Variants in DMAC2L observed in about 807,000 individuals in gnomAD.
The protein encoded by DMAC2L is ATP synthase subunit s, mitochondrial.
Under a neutral mutation model 22.5 loss-of-function variants are expected in DMAC2L, and 21 were observed. The observed-to-expected ratio is 0.93, with a 90% confidence interval of 0.66 to 1.34. The LOEUF is 1.34. Ranked by LOEUF, DMAC2L falls within the 40% of genes most tolerant of loss-of-function variation. DMAC2L has a pLI of 0.00. For missense variants in DMAC2L, 239 were observed against 246.5 expected, an observed-to-expected ratio of 0.97 and a Z score of 0.20; for synonymous variants, 86 against 89.5, an observed-to-expected ratio of 0.96 and a Z score of 0.22.
At chr14:50,318,683 A>T (rs569629571) in intron 2 of DMAC2L, among the ~76,000 whole-genome samples, 185 of 150,874 alleles carry the variant, frequency 1.2e-3, no homozygotes, top group African/African-American at 3.9e-3. Flanking sequence ...TCTAACTGGA[A>T]TTTTTTTTTT....
intron 2 of DMAC2L, among the ~76,000 whole-genome samples, chr14:50,317,174 T>G (rs1013654092): frequency 2.0e-5 from 3 of 152,182 alleles, no homozygotes; most frequent in Non-Finnish European, 4.4e-5. Context: ...TTCCTAAGTT[T>G]TTTTTGTGTG....
Position 50,325,798 on chromosome 14 carries a change from C to G in DMAC2L, c.*75C>G. ...CAAACATCAACTAATATTATATAGT[C>G]ATCAGTAGAATTATAAGGATGCCAT... is the stretch of plus-strand genomic sequence containing the variant. On this transcript the variant is annotated 3_prime_UTR_variant, in exon 6 of 6. Coordinates refer to ENST00000557421, the MANE Select transcript of DMAC2L (RefSeq NM_001382507.1). 5 of 1,514,526 alleles carry G rather than the reference C, an allele frequency of 3.3e-6. No individual in the cohort carries two copies. Among genetic ancestry groups the G allele is most frequent in the Non-Finnish European group, 4.4e-6 (5 of 1,135,324 alleles). 93.8% of individuals were successfully genotyped at this position (1,514,526 alleles called of 1,614,324 possible).
intron 1 of DMAC2L, chr14:50,313,050 C>T (rs1566550397): frequency 2.5e-6 from 4 of 1,613,294 alleles, no homozygotes; most frequent in Non-Finnish European, 3.4e-6. Flanking sequence ...AGCAGCGACT[C>T]ACCTGTGCAG....
intron 2 of DMAC2L, among the ~76,000 whole-genome samples, chr14:50,319,895 T>C (rs914358567): frequency 6.6e-6 from 1 of 152,192 alleles, no homozygotes; most frequent in African/African-American, 2.4e-5. Context: ...TGCCCCTACA[T>C]CTCACTTAAC....
chr14:50,320,126 C>G, intron 2 of DMAC2L, among the ~76,000 whole-genome samples: 1 of 152,124 alleles, frequency 6.6e-6, no homozygotes, highest in South Asian at 2.1e-4. Flanking sequence ...GAGTCTCACT[C>G]TGTTGTCCAC....
At chr14:50,321,883 ATAATTT>A (rs1333441090) in intron 3 of DMAC2L, among the ~76,000 whole-genome samples, 3 of 152,250 alleles carry the variant, frequency 2.0e-5, no homozygotes, top group Non-Finnish European at 4.4e-5. Context: ...CTTATTAAAT[ATAATTT>A]TAAAGTATTT....
At position 50,326,723 on chromosome 14, in the gene DMAC2L, A is replaced by G; in HGVS notation, c.*1000A>G. Reference sequence around the variant, plus strand: ...AGGAAACAGTAAAAACTAGTGGGCTATGCTTAGGTTTTTCTTGAAACCTAA... The same window carrying G: ...AGGAAACAGTAAAAACTAGTGGGCTGTGCTTAGGTTTTTCTTGAAACCTAA... On this transcript the variant is annotated 3_prime_UTR_variant, in exon 6 of 6. Coordinates refer to ENST00000557421, the MANE Select transcript of DMAC2L (RefSeq NM_001382507.1). 1.0e-6 allele frequency: 1 copy of G among 985,448 alleles called. No homozygotes were observed. The highest frequency in any genetic ancestry group is 4.7e-5 in the South Asian group (1 of 21,292). The allele number at this position is 985,448 out of a possible 1,614,324, so 61.0% of individuals were successfully genotyped here.
upstream of DMAC2L, chr14:50,312,305 G>T: frequency 8.7e-7 from 1 of 1,150,374 alleles, no homozygotes; most frequent in Non-Finnish European, 1.2e-6. Context: ...GCCAATAGGC[G>T]CGCGCGTCGG....
chr14:50,323,090 T>A (rs565174639), intron 4 of DMAC2L: 11 of 49,136 alleles, frequency 2.2e-4, no homozygotes, highest in Non-Finnish European at 3.5e-4. Context: ...TCTTTCTTTC[T>A]TTTTTTTTTT....
At chr14:50,319,235 T>C in intron 2 of DMAC2L, 1 of 1,535,876 alleles carries the variant, frequency 6.5e-7, no homozygotes, top group Non-Finnish European at 8.7e-7. Flanking sequence ...GTTGAGAACA[T>C]GATAAGAGGT....
At chr14:50,320,326 G>A (rs550267290) in intron 2 of DMAC2L, among the ~76,000 whole-genome samples, 1 of 152,068 alleles carries the variant, frequency 6.6e-6, no homozygotes, top group East Asian at 1.9e-4. Flanking sequence ...AGCCAGGATC[G>A]TCTCGATATC....
At chr14:50,320,643 C>G (rs1784100889) in intron 2 of DMAC2L, among the ~76,000 whole-genome samples, 1 of 152,180 alleles carries the variant, frequency 6.6e-6, no homozygotes, top group African/African-American at 2.4e-5. Flanking sequence ...TTATCAAGTT[C>G]TGTCACTTAT....
intron 2 of DMAC2L, among the ~76,000 whole-genome samples, chr14:50,316,635 A>G (rs2031825448): frequency 6.6e-6 from 1 of 152,166 alleles, no homozygotes; most frequent in Admixed American, 6.5e-5. Context: ...TCCTAGTACC[A>G]TGTGTTGAAT....
chr14:50,320,997 A>G (rs374807461), intron 2 of DMAC2L, among the ~76,000 whole-genome samples: 1 of 152,204 alleles, frequency 6.6e-6, no homozygotes, highest in South Asian at 2.1e-4. Flanking sequence ...TTTTGTTTAC[A>G]CTGCTCTGGT....
intron 2 of DMAC2L, among the ~76,000 whole-genome samples, chr14:50,318,201 C>A (rs7146558): frequency 0.56 from 85,436 of 151,926 alleles, 24,039 homozygotes; most frequent in Middle Eastern, 0.63. Context: ...TCACTAACTT[C>A]CCACTAGAGG....
intron 2 of DMAC2L, among the ~76,000 whole-genome samples, chr14:50,317,884 G>T (rs532888527): frequency 6.6e-6 from 1 of 152,250 alleles, no homozygotes; most frequent in Admixed American, 6.5e-5. Flanking sequence ...CTGTGGGTTT[G>T]TCATAGATGG....
At chr14:50,318,285 TTAGCAAA>T (rs2031981339) in intron 2 of DMAC2L, among the ~76,000 whole-genome samples, 3 of 152,228 alleles carry the variant, frequency 2.0e-5, no homozygotes, top group Admixed American at 2.0e-4. Context: ...TGCAAAATCA[TTAGCAAA>T]GTTGCAGTTG....
chr14:50,318,828 TATC>T (rs2032031173), intron 2 of DMAC2L: 1 of 165,210 alleles, frequency 6.1e-6, no homozygotes, highest in Admixed American at 6.5e-5. Flanking sequence ...ACACCTCTAT[TATC>T]CAACCACGTT....
chr14:50,312,640 C>CGCCCCG (rs1555334602), intron 1 of DMAC2L: 2 of 290,008 alleles, frequency 6.9e-6, no homozygotes, highest in Non-Finnish European at 1.3e-5. Flanking sequence ...GCCCCGCCCC[C>CGCCCCG]GCTCCAGCTC....
Sources: gnomAD v4.1 joint callset for allele counts (sites outside exome capture counted in the v4.1 genomes callset) on GRCh38, gnomAD v4.1.1 for gene constraint, MANE v1.5 for transcripts, NCBI Gene and HGNC (gene_info 2026-07-23, HGNC 2026-07-21) for gene names.